The following BORCS5 variants were observed in gnomAD, a reference collection of about 807,000 sequenced individuals.
BORCS5 encodes BLOC-1 related complex subunit 5, also known as BLOC-1-related complex subunit 5.
In BORCS5, 17 loss-of-function variants were observed where a neutral mutation model predicts 22.1. The ratio of observed to expected loss-of-function variants is 0.77; its 90% CI spans 0.53 to 1.15. The LOEUF (loss-of-function observed/expected upper bound fraction) is 1.15, where lower values mean the gene tolerates loss of function less well. BORCS5 is among the 50% of genes most tolerant of loss of function. The probability of loss-of-function intolerance (pLI) is 0.00; values close to 1 mark genes in which losing one functional copy is unlikely to be tolerated. For synonymous variants in BORCS5, 117 were observed against 99.8 expected, an observed-to-expected ratio of 1.17 and a Z score of -1.03; for missense variants, 247 against 253.2, an observed-to-expected ratio of 0.98 and a Z score of 0.17.
intron 2 of BORCS5, among the ~76,000 whole-genome samples, chr12:12,419,064 C>G (rs1047443862): frequency 4.6e-5 from 7 of 151,868 alleles, no homozygotes; most frequent in Non-Finnish European, 8.8e-5. Context: ...AATTATTATA[C>G]TTTAAGTTCT....
chr12:12,386,453 A>AT (rs71061054), intron 2 of BORCS5, among the ~76,000 whole-genome samples: 48,994 of 139,996 alleles, frequency 0.35, 9,403 homozygotes, highest in East Asian at 0.48. Context: ...CACTGTTGCT[A>AT]TTTTTTTTTT....
intron 2 of BORCS5, among the ~76,000 whole-genome samples, chr12:12,384,114 TTTC>T (rs1863830244): frequency 1.3e-5 from 2 of 151,214 alleles, no homozygotes; most frequent in South Asian, 4.2e-4. Context: ...TTCTGTTTGG[TTTC>T]TTATTTTTAA....
At chr12:12,425,055 C>G (rs1025614525) in intron 2 of BORCS5, among the ~76,000 whole-genome samples, 2 of 152,120 alleles carry the variant, frequency 1.3e-5, no homozygotes, top group African/African-American at 4.8e-5. Context: ...TCAGAAGCAG[C>G]CAACATTGAT....
intron 2 of BORCS5, among the ~76,000 whole-genome samples, chr12:12,419,628 C>T (rs1397762400): frequency 6.6e-6 from 1 of 152,178 alleles, no homozygotes; most frequent in African/African-American, 2.4e-5. Context: ...ACATTGTCTT[C>T]CACAATGGTT....
At chr12:12,363,594 G>T (rs756177310) in intron 2 of BORCS5, among the ~76,000 whole-genome samples, 1 of 152,116 alleles carries the variant, frequency 6.6e-6, no homozygotes, top group Non-Finnish European at 1.5e-5. Flanking sequence ...AAAATTAGCC[G>T]GGTGTGGTGG....
chr12:12,375,993 T>C (rs1352458887), intron 2 of BORCS5, among the ~76,000 whole-genome samples: 1 of 151,876 alleles, frequency 6.6e-6, no homozygotes, highest in Non-Finnish European at 1.5e-5. Flanking sequence ...TTAGTGGAGA[T>C]GGGGTTTCGC....
chr12:12,454,483 T>C (rs1459419225), intron 3 of BORCS5, among the ~76,000 whole-genome samples: 1 of 152,240 alleles, frequency 6.6e-6, no homozygotes, highest in African/African-American at 2.4e-5. Context: ...CTTCTTTGGA[T>C]AAATGGCTTC....
chr12:12,445,391 CTTAA>C (rs1942763992), intron 3 of BORCS5, among the ~76,000 whole-genome samples: 1 of 150,898 alleles, frequency 6.6e-6, no homozygotes, highest in Non-Finnish European at 1.5e-5. Flanking sequence ...ATGACAGTGA[CTTAA>C]TTGTGGTTGC....
chr12:12,424,076 A>G (rs1006131097), intron 2 of BORCS5, among the ~76,000 whole-genome samples: 7 of 152,040 alleles, frequency 4.6e-5, no homozygotes, highest in African/African-American at 1.7e-4. Flanking sequence ...GTTTGTATTC[A>G]TCTCTTTCAT....
At chr12:12,375,776 C>T (rs1592063720) in intron 2 of BORCS5, among the ~76,000 whole-genome samples, 3 of 152,244 alleles carry the variant, frequency 2.0e-5, no homozygotes, top group East Asian at 3.9e-4. Context: ...TGGTGAAAAT[C>T]ATCAGCAAAA....
chr12:12,409,052 C>T (rs903767482), intron 2 of BORCS5, among the ~76,000 whole-genome samples: 1 of 152,138 alleles, frequency 6.6e-6, no homozygotes, highest in African/African-American at 2.4e-5. Context: ...CATGTTACGT[C>T]TCCACCAATA....
intron 2 of BORCS5, among the ~76,000 whole-genome samples, chr12:12,419,130 G>C (rs1592108861): frequency 6.6e-6 from 1 of 151,996 alleles, no homozygotes; most frequent in East Asian, 1.9e-4. Context: ...GTGCCATGTT[G>C]GTTTGCTGCA....
chr12:12,397,662 C>T (rs773052554), intron 2 of BORCS5, among the ~76,000 whole-genome samples: 19 of 152,246 alleles, frequency 1.2e-4, no homozygotes, highest in African/African-American at 4.1e-4. Context: ...AGAATACCAC[C>T]GCCAGTTTTT....
rs531512207 is a variant in BORCS5, at chr12:12,407,066, G to A, written c.203-28562G>A. Among the ~76,000 whole-genome samples, 184 of 152,306 alleles carry A rather than the reference G, an allele frequency of 1.2e-3. 1 individual carries two copies. Among genetic ancestry groups the A allele is most frequent in the African/African-American group, 4.1e-3 (170 of 41,574 alleles). On this transcript the variant is annotated intron_variant, in intron 2 of 3. Transcript: ENST00000314565. ...AAAGTGGGCTTTCTGCCTTCACTCAGTGAGAGCTGTTGAAAGATTTTCTCA... is the reference window on the plus strand; with the variant it reads ...AAAGTGGGCTTTCTGCCTTCACTCAATGAGAGCTGTTGAAAGATTTTCTCA...
chr12:12,421,744 A>G (rs1055062712), intron 2 of BORCS5, among the ~76,000 whole-genome samples: 2 of 152,304 alleles, frequency 1.3e-5, no homozygotes, highest in African/African-American at 2.4e-5. Context: ...TTATTGGTGT[A>G]TTAAGAGATT....
At chr12:12,375,988 G>T (rs1265302010) in intron 2 of BORCS5, among the ~76,000 whole-genome samples, 1 of 151,810 alleles carries the variant, frequency 6.6e-6, no homozygotes, top group Admixed American at 6.6e-5. Context: ...TATTTTTAGT[G>T]GAGATGGGGT....
At chr12:12,379,666 A>G (rs918246172) in intron 2 of BORCS5, among the ~76,000 whole-genome samples, 2 of 151,360 alleles carry the variant, frequency 1.3e-5, no homozygotes, top group African/African-American at 4.9e-5. Context: ...AAGACCCAGA[A>G]GTAGAACCTC....
intron 3 of BORCS5, among the ~76,000 whole-genome samples, chr12:12,437,758 C>T (rs1435529819): frequency 6.6e-6 from 1 of 152,104 alleles, no homozygotes; most frequent in East Asian, 1.9e-4. Context: ...AGACATAAGA[C>T]TTTACCTTTT....
At chr12:12,438,378 AAACG>A (rs1565915666) in intron 3 of BORCS5, among the ~76,000 whole-genome samples, 2 of 107,900 alleles carry the variant, frequency 1.9e-5, no homozygotes, top group Admixed American at 9.2e-5. Flanking sequence ...AAAAAAAAAA[AAACG>A]AAAAACAACA....
Sources: allele counts gnomAD v4.1 joint callset (sites outside exome capture counted in the v4.1 genomes callset), GRCh38; gene constraint gnomAD v4.1.1; transcripts MANE v1.5; gene names NCBI Gene and HGNC (gene_info 2026-07-23, HGNC 2026-07-21).